The following RAB37 variants were observed in gnomAD, a reference collection of about 807,000 sequenced individuals.
The protein encoded by RAB37 is ras-related protein Rab-37.
In RAB37, 29 loss-of-function variants were observed where a neutral mutation model predicts 33.1. That is an observed-to-expected ratio of 0.88 (90% CI 0.65 to 1.20). RAB37 has a LOEUF of 1.20. RAB37 is among the 50% of genes most tolerant of loss of function. The pLI is 0.00. For missense variants in RAB37, 299 were observed against 301.1 expected, an observed-to-expected ratio of 0.99 and a Z score of 0.05; for synonymous variants, 128 against 119.5, an observed-to-expected ratio of 1.07 and a Z score of -0.47.
chr17:74,682,229 A>T (rs1455726136), intron 1 of RAB37, among the ~76,000 whole-genome samples: 1 of 152,138 alleles, frequency 6.6e-6, no homozygotes, highest in Non-Finnish European at 1.5e-5. Context: ...CCGAAAAGAG[A>T]ACTCATTGGT....
At chr17:74,699,375 G>A (rs900897263) in intron 1 of RAB37, among the ~76,000 whole-genome samples, 6 of 151,974 alleles carry the variant, frequency 3.9e-5, no homozygotes, top group African/African-American at 7.3e-5. Flanking sequence ...TCTTCCCCTC[G>A]AATTCACATC....
chr17:74,709,020 C>G (rs911186347), intron 1 of RAB37, among the ~76,000 whole-genome samples: 4 of 151,088 alleles, frequency 2.6e-5, no homozygotes, highest in African/African-American at 7.3e-5. Flanking sequence ...GCCAAGAGAT[C>G]GAGACAATCC....
intron 1 of RAB37, chr17:74,695,818 C>A (rs759263296): frequency 6.2e-7 from 1 of 1,614,140 alleles, no homozygotes; most frequent in East Asian, 2.2e-5. Context: ...GCTGCAGGGT[C>A]AGGTCTGCAT....
chr17:74,702,944 C>T, intron 1 of RAB37: 1 of 1,118,892 alleles, frequency 8.9e-7, no homozygotes, highest in Non-Finnish European at 1.3e-6. Context: ...AGGTCCCAGA[C>T]AAAGCTCAGG....
At chr17:74,706,273 GA>G (rs144675318) in intron 1 of RAB37, among the ~76,000 whole-genome samples, 158 of 137,528 alleles carry the variant, frequency 1.1e-3, no homozygotes, top group East Asian at 3.0e-3. Flanking sequence ...CATTTTAAAG[GA>G]AAAAAAAAAT....
intron 1 of RAB37, among the ~76,000 whole-genome samples, chr17:74,705,820 C>A (rs1448396426): frequency 6.6e-6 from 1 of 152,172 alleles, no homozygotes; most frequent in Non-Finnish European, 1.5e-5. Flanking sequence ...GTCTCAAACT[C>A]CCGGGCTCAA....
Position 74,695,153 on chromosome 17 carries a change from G to A in RAB37, c.72+23495G>A, listed in dbSNP as rs147820446. On this transcript the variant is annotated intron_variant, in intron 1 of 7. Coordinates refer to the RAB37 transcript ENST00000340415. ...GCTCCTCAGGGCCCCTGCCGGGGAG[G>A]TGGCTACTGAGGTGGCCCATGTTGC... 357 of 1,614,180 alleles carry A rather than the reference G, an allele frequency of 2.2e-4. 2 individuals carry two copies. In the African/African-American group the frequency reaches 3.8e-3, roughly 17 times the overall value.
In RAB37 at chr17:74,745,288, C is replaced by T; in HGVS notation, c.567-18C>T. ...CAGCCCAGCCCAGCCCAGCCCAGCC[C>T]ATTGTCTCTTCTTCAAGGGAACTGA... On this transcript the variant is annotated intron_variant, in intron 8 of 8. Coordinates refer to ENST00000392613, the MANE Select transcript of RAB37 (RefSeq NM_001006638.3). This position sits in a 1 kb window ranked among gnomAD's most constrained non-coding sequence, Gnocchi z 4.5. 6.2e-7 allele frequency: 1 copy of T among 1,611,268 alleles called. No homozygotes were observed. Among genetic ancestry groups the T allele is most frequent in the Non-Finnish European group, 8.5e-7 (1 of 1,177,816 alleles).
rs536354988 is a variant in RAB37, at chr17:74,676,880, C to T, written c.72+5222C>T. ...TTAAAGTTAACCTCCAGGCTTGGCA[C>T]GGTGGCTCACACCTGTAATCCCAGC... is the stretch of plus-strand genomic sequence containing the variant. On this transcript the variant is annotated intron_variant, in intron 1 of 7. Coordinates refer to the RAB37 transcript ENST00000340415. The surrounding 1 kb of genome is among the most constrained non-coding windows in gnomAD (Gnocchi z 4.1). Among the ~76,000 whole-genome samples the T allele has an allele frequency of 3.3e-5, 5 of 152,244 alleles. No homozygotes were observed. Among genetic ancestry groups the T allele is most frequent in the African/African-American group, 9.6e-5 (4 of 41,554 alleles).
chr17:74,714,777 T>C (rs1273741100), intron 1 of RAB37, among the ~76,000 whole-genome samples: 1 of 152,152 alleles, frequency 6.6e-6, no homozygotes, highest in Non-Finnish European at 1.5e-5. Flanking sequence ...CCATCTCTCC[T>C]TTCCCATCAA....
upstream of RAB37, among the ~76,000 whole-genome samples, chr17:74,735,632 C>T (rs1176900521): frequency 6.6e-6 from 1 of 152,198 alleles, no homozygotes; most frequent in African/African-American, 2.4e-5. Context: ...TAGTGTGCTG[C>T]GCAGCCTCCA....
At chr17:74,718,715 A>C (rs1185913569) in intron 1 of RAB37, among the ~76,000 whole-genome samples, 1 of 152,240 alleles carries the variant, frequency 6.6e-6, no homozygotes, top group Non-Finnish European at 1.5e-5. Flanking sequence ...TGTTTGTTAG[A>C]GAAAAACAGT....
chr17:74,704,593 G>C (rs986204376), intron 1 of RAB37: 8 of 1,614,142 alleles, frequency 5.0e-6, no homozygotes, highest in Non-Finnish European at 6.8e-6. Flanking sequence ...CAGTGAACGT[G>C]CGGTTTTTCT....
intron 1 of RAB37, chr17:74,672,748 A>T (rs898785110): frequency 6.6e-6 from 1 of 152,256 alleles, no homozygotes; most frequent in Non-Finnish European, 1.5e-5. Context: ...GACCAGCAGC[A>T]TTGGCATTAC....
At chr17:74,703,138 T>C in intron 1 of RAB37, 1 of 1,612,562 alleles carries the variant, frequency 6.2e-7, no homozygotes, top group Non-Finnish European at 8.5e-7. Flanking sequence ...GGGGCAGGAG[T>C]CGACGCTGTA....
At position 74,713,061 on chromosome 17, in the gene RAB37, C is replaced by T. The variant is rs535668931; in HGVS notation, c.73-16195C>T. The T allele has an allele frequency of 2.6e-5, 15 of 566,244 alleles. 1 individual carries two copies. Among genetic ancestry groups the T allele is most frequent in the South Asian group, 2.2e-4 (11 of 48,960 alleles). 35.1% of individuals were successfully genotyped at this position (566,244 alleles called of 1,614,324 possible). A position where few individuals can be genotyped will look rare whatever the true frequency, so the allele number is the denominator to read the frequency against. Reference sequence around the variant, plus strand: ...GTGGCTCAGGCCTGTAATCCTGGCACTTTGGGAGGCCAAGGCGGGCGGATC... The same window carrying T: ...GTGGCTCAGGCCTGTAATCCTGGCATTTTGGGAGGCCAAGGCGGGCGGATC... On this transcript the variant is annotated intron_variant, in intron 1 of 7. Transcript: ENST00000340415.
At position 74,676,512 on chromosome 17, in the gene RAB37, C is replaced by T. The variant is rs1435491942; in HGVS notation, c.72+4854C>T. On this transcript the variant is annotated intron_variant, in intron 1 of 7. Coordinates refer to the RAB37 transcript ENST00000340415. The surrounding 1 kb of genome is among the most constrained non-coding windows in gnomAD (Gnocchi z 4.1). ...CAAGCAGGTAATATCTGCCACTCTC[C>T]CCCATCTCCTGCACTTATTCTTCAC... 6.6e-6 allele frequency among the ~76,000 whole-genome samples: 1 copy of T among 152,198 alleles called. No homozygotes were observed. Among genetic ancestry groups the T allele is most frequent in the Non-Finnish European group, 1.5e-5 (1 of 68,040 alleles).
At chr17:74,720,647 C>T (rs530879371) in intron 1 of RAB37, among the ~76,000 whole-genome samples, 13 of 152,318 alleles carry the variant, frequency 8.5e-5, no homozygotes, top group Admixed American at 7.2e-4. Context: ...TTGCCATCCA[C>T]AGATGGCTAA....
rs576871419 is a variant in RAB37 at position 74,729,972 on chromosome 17, C to T, written c.183+606C>T. On this transcript the variant is annotated intron_variant, in intron 2 of 7. Coordinates refer to the RAB37 transcript ENST00000340415. The surrounding 1 kb of genome is among the most constrained non-coding windows in gnomAD (Gnocchi z 4.2). ...AGGTTACAGTTCCGTGTTTAGTCCT[C>T]GGTAAAATGGTAAAAGGGCAGCTCG... Among the ~76,000 whole-genome samples the T allele has an allele frequency of 3.1e-3, 470 of 152,258 alleles. 3 individuals are homozygous for T. The highest frequency in any genetic ancestry group is 4.6e-3 in the Non-Finnish European group (314 of 68,028).
Sources: gnomAD v4.1 joint callset for allele counts (sites outside exome capture counted in the v4.1 genomes callset) on GRCh38, gnomAD v4.1.1 for gene constraint, Gnocchi (gnomAD v3.1) non-coding constraint, MANE v1.5 for transcripts, NCBI Gene and HGNC (gene_info 2026-07-23, HGNC 2026-07-21) for gene names.